Variants in SNTG2 observed in about 807,000 individuals in gnomAD.
SNTG2 encodes gamma-2-syntrophin.
Under a neutral mutation model 70.9 loss-of-function variants are expected in SNTG2, and 74 were observed. That is an observed-to-expected ratio of 1.04 (90% CI 0.86 to 1.27). The LOEUF (loss-of-function observed/expected upper bound fraction) is 1.27, where lower values mean the gene tolerates loss of function less well. Ranked by LOEUF, SNTG2 falls within the 50% of genes most tolerant of loss-of-function variation. The pLI is 0.00. For missense variants in SNTG2, 717 were observed against 690.7 expected (o/e 1.04, Z -0.43); for synonymous variants, 278 against 273.8 (o/e 1.02, Z -0.15).
intron 9 of SNTG2, among the ~76,000 whole-genome samples, chr2:1,224,771 G>T (rs1675655023): frequency 6.6e-6 from 1 of 152,186 alleles, no homozygotes; most frequent in Non-Finnish European, 1.5e-5. Context: ...GCCTTGCCTG[G>T]GTGTTCTGAA....
chr2:1,272,289 T>A (rs991884449), intron 14 of SNTG2, among the ~76,000 whole-genome samples: 4 of 143,970 alleles, frequency 2.8e-5, no homozygotes, highest in African/African-American at 1.0e-4. Flanking sequence ...TAGGTTCTCA[T>A]AAGGAGTGTG....
At chr2:1,326,648 T>G (rs1027486477) in intron 16 of SNTG2, among the ~76,000 whole-genome samples, 2 of 152,144 alleles carry the variant, frequency 1.3e-5, no homozygotes, top group Non-Finnish European at 2.9e-5. Context: ...TGAAAAATCT[T>G]TTACTATCTC....
chr2:1,014,974 G>A (rs1037442816), intron 1 of SNTG2, among the ~76,000 whole-genome samples: 4 of 152,140 alleles, frequency 2.6e-5, no homozygotes, highest in East Asian at 1.9e-4. Flanking sequence ...TGAGGAAGCC[G>A]GGGGCCCCGG....
chr2:969,041 A>T (rs185442535), intron 1 of SNTG2, among the ~76,000 whole-genome samples: 1 of 152,130 alleles, frequency 6.6e-6, no homozygotes, highest in Non-Finnish European at 1.5e-5. Flanking sequence ...TGATTTTAGT[A>T]TATGGTGAAA....
chr2:963,036 G>C (rs1391191775), intron 1 of SNTG2, among the ~76,000 whole-genome samples: 1 of 151,972 alleles, frequency 6.6e-6, no homozygotes, highest in Non-Finnish European at 1.5e-5. Context: ...GTCTAAAGCT[G>C]GTTTGAGTGC....
intron 1 of SNTG2, among the ~76,000 whole-genome samples, chr2:1,078,020 T>C (rs961640263): frequency 2.0e-5 from 3 of 152,212 alleles, no homozygotes; most frequent in African/African-American, 7.2e-5. Context: ...CAGGTCCTTT[T>C]CTCTGCAGCT....
rs1334708154 is a variant in SNTG2 at position 1,173,305 on chromosome 2, G to A, written c.591+122G>A. 5 of 932,536 alleles carry A rather than the reference G, an allele frequency of 5.4e-6. No homozygotes were observed. In the Admixed American group the frequency reaches 6.8e-5, roughly 13 times the overall value. The allele number at this position is 932,536 out of a possible 1,614,324, so 57.8% of individuals were successfully genotyped here. Reference sequence around the variant, plus strand: ...AGTGAAGATAATTGTGTTAGTTTCAGAGGAAATACTTAGAACACAGATTGA... The same window carrying A: ...AGTGAAGATAATTGTGTTAGTTTCAAAGGAAATACTTAGAACACAGATTGA... On this transcript the variant is annotated intron_variant, in intron 8 of 16. Transcript: ENST00000308624.
intron 1 of SNTG2, among the ~76,000 whole-genome samples, chr2:1,012,613 AAG>A (rs1659765954): frequency 1.2e-5 from 1 of 82,428 alleles, no homozygotes; most frequent in Admixed American, 1.2e-4. Flanking sequence ...GTGGTCTGGA[AAG>A]GGATTTATAA....
intron 14 of SNTG2, among the ~76,000 whole-genome samples, chr2:1,272,017 G>T (rs939135518): frequency 1.6e-4 from 25 of 152,198 alleles, no homozygotes; most frequent in African/African-American, 5.5e-4. Context: ...AGTCAGCAAC[G>T]GTCCCAACCT....
intron 1 of SNTG2, among the ~76,000 whole-genome samples, chr2:964,193 T>C (rs1318092703): frequency 6.6e-6 from 1 of 152,224 alleles, no homozygotes; most frequent in Non-Finnish European, 1.5e-5. Flanking sequence ...TGCCTAACTT[T>C]TTAGAAAGAG....
intron 1 of SNTG2, among the ~76,000 whole-genome samples, chr2:954,634 T>C (rs1660083614): frequency 6.6e-6 from 1 of 152,182 alleles, no homozygotes; most frequent in Non-Finnish European, 1.5e-5. Flanking sequence ...GAGGTTATCC[T>C]TCCTATTTCT....
chr2:1,141,568 T>G (rs4273253), intron 6 of SNTG2, among the ~76,000 whole-genome samples: 1 of 152,222 alleles, frequency 6.6e-6, no homozygotes, highest in Non-Finnish European at 1.5e-5. Context: ...TATTTGCTTT[T>G]TGCCTGAGCC....
At chr2:1,319,514 C>G (rs1386334548) in intron 16 of SNTG2, among the ~76,000 whole-genome samples, 1 of 152,166 alleles carries the variant, frequency 6.6e-6, no homozygotes, top group Non-Finnish European at 1.5e-5. Context: ...CGTGGCACCC[C>G]TGGGATGAGA....
chr2:1,346,850 AT>A (rs1419232314), intron 16 of SNTG2, among the ~76,000 whole-genome samples: 1 of 151,996 alleles, frequency 6.6e-6, no homozygotes, highest in Admixed American at 6.6e-5. Context: ...GGTTTTGGGG[AT>A]TCTTTAGCTG....
In SNTG2 at chr2:1,115,681, T is replaced by G. The variant is rs187401321; in HGVS notation, c.325+17271T>G. Among the ~76,000 whole-genome samples, 742 of 151,842 alleles carry G rather than the reference T, an allele frequency of 4.9e-3. 1 individual carries two copies. Among genetic ancestry groups the G allele is most frequent in the Non-Finnish European group, 7.8e-3 (530 of 67,896 alleles). Reference sequence around the variant, plus strand: ...AGGATCGTGTGTACTAAGTGAGGTTTAACATTTACAGTCCTTTGAGAAGGA... The same window carrying G: ...AGGATCGTGTGTACTAAGTGAGGTTGAACATTTACAGTCCTTTGAGAAGGA... On this transcript the variant is annotated intron_variant, in intron 4 of 16. Coordinates refer to ENST00000308624, the MANE Select transcript of SNTG2 (RefSeq NM_018968.4).
At chr2:1,074,169 C>T (rs529107984) in intron 1 of SNTG2, among the ~76,000 whole-genome samples, 3 of 152,292 alleles carry the variant, frequency 2.0e-5, no homozygotes, top group South Asian at 2.1e-4. Flanking sequence ...TTGCTGCCTC[C>T]CGGCAGCTGC....
intron 14 of SNTG2, among the ~76,000 whole-genome samples, chr2:1,289,214 T>C (rs35874026): frequency 0.023 from 3,556 of 152,118 alleles, 55 homozygotes; most frequent in East Asian, 0.049. Context: ...ATGATGCCAA[T>C]CTTTACTTGT....
chr2:1,126,764 C>T (rs1019971978), intron 4 of SNTG2, among the ~76,000 whole-genome samples: 1 of 152,020 alleles, frequency 6.6e-6, no homozygotes, highest in Non-Finnish European at 1.5e-5. Context: ...AGTCATTTTT[C>T]TTCTTTTGAG....
At chr2:993,789 C>T (rs1661583969) in intron 1 of SNTG2, among the ~76,000 whole-genome samples, 1 of 152,026 alleles carries the variant, frequency 6.6e-6, no homozygotes, top group Non-Finnish European at 1.5e-5. Context: ...TAAGTATCTT[C>T]ACATGTAATT....
Sources: gnomAD v4.1 joint callset for allele counts (sites outside exome capture counted in the v4.1 genomes callset) on GRCh38, gnomAD v4.1.1 for gene constraint, MANE v1.5 for transcripts, NCBI Gene and HGNC (gene_info 2026-07-23, HGNC 2026-07-21) for gene names.